The following MEI1 variants were observed in gnomAD, a reference collection of about 807,000 sequenced individuals.
MEI1 encodes meiosis inhibitor protein 1.
Under a neutral mutation model 146.2 loss-of-function variants are expected in MEI1, and 103 were observed. The observed-to-expected ratio is 0.70, with a 90% CI of 0.60 to 0.83. The LOEUF (loss-of-function observed/expected upper bound fraction) is 0.83. Among genes scored for constraint, MEI1 ranks in the 40% least tolerant of loss-of-function variants. The pLI, the probability that MEI1 is intolerant of heterozygous loss-of-function variation, is 0.00. For synonymous variants in MEI1, 652 were observed against 628.2 expected (o/e 1.04, Z -0.57); for missense variants, 1,529 against 1,533.0 (o/e 1.00, Z 0.04).
At position 41,795,917 on chromosome 22, in the gene MEI1, C is replaced by T. The variant is rs775726659; in HGVS notation, c.3779+70C>T. The T allele has an allele frequency of 6.2e-7, 1 of 1,611,408 alleles. No individual in the cohort carries two copies. Among genetic ancestry groups the T allele is most frequent in the Non-Finnish European group, 8.5e-7 (1 of 1,178,924 alleles). On this transcript the variant is annotated intron_variant, in intron 30 of 30. Coordinates refer to ENST00000401548, the MANE Select transcript of MEI1 (RefSeq NM_152513.4). This position sits in a 1 kb window ranked among gnomAD's most constrained non-coding sequence, Gnocchi z 4.2. ...GGTGTTTGGGGCTTCTCTTCCTGGG[C>T]CAGTTTATGCGGTACCGGAGTAGCA...
chr22:41,746,506 A>G (rs1207136863), intron 14 of MEI1, among the ~76,000 whole-genome samples: 2 of 152,218 alleles, frequency 1.3e-5, no homozygotes, highest in Non-Finnish European at 2.9e-5. Flanking sequence ...AACAAGGAAC[A>G]TGTATGTGTG....
At chr22:41,704,852 CTA>C (rs1318860901) in intron 2 of MEI1, among the ~76,000 whole-genome samples, 1 of 152,082 alleles carries the variant, frequency 6.6e-6, no homozygotes, top group Non-Finnish European at 1.5e-5. Flanking sequence ...GTAGCTGGGA[CTA>C]CAGGTGCCCG....
chr22:41,785,994 T>G (rs1214598807), intron 26 of MEI1, among the ~76,000 whole-genome samples: 1 of 142,478 alleles, frequency 7.0e-6, no homozygotes, highest in East Asian at 2.0e-4. Flanking sequence ...CACTGCAAGC[T>G]CCGCCTCCCG....
chr22:41,733,312 T>A (rs934160523), intron 11 of MEI1, among the ~76,000 whole-genome samples: 1 of 151,504 alleles, frequency 6.6e-6, no homozygotes. Flanking sequence ...TAGCCAGGCA[T>A]GTTGGTGCAC....
chr22:41,699,792 C>T, intron 1 of MEI1, 80 bp downstream of exon 1: 1 of 1,448,534 alleles, frequency 6.9e-7, no homozygotes, highest in Non-Finnish European at 9.1e-7. Context: ...TTGCCAGACC[C>T]GCTCCGGTGA....
chr22:41,709,371 G>C (rs577389292), intron 3 of MEI1: 6 of 727,962 alleles, frequency 8.2e-6, no homozygotes, highest in Non-Finnish European at 1.5e-5. Flanking sequence ...TTTTAGGCTT[G>C]GGCTCTGGCT....
At chr22:41,712,670 A>G (rs1268633823) in intron 3 of MEI1, among the ~76,000 whole-genome samples, 2 of 59,088 alleles carry the variant, frequency 3.4e-5, no homozygotes, top group Non-Finnish European at 5.8e-5. Context: ...AAATAGAAAT[A>G]GATGTGTGTG....
intron 15 of MEI1, among the ~76,000 whole-genome samples, chr22:41,752,227 A>G (rs1172114958): frequency 1.3e-5 from 2 of 152,250 alleles, no homozygotes; most frequent in Non-Finnish European, 2.9e-5. Flanking sequence ...AAGGGATAGA[A>G]GGAGCAGATG....
chr22:41,796,478 G>A (rs73163343), intron 30 of MEI1, among the ~76,000 whole-genome samples: 25,421 of 151,802 alleles, frequency 0.17, 3,089 homozygotes, highest in Admixed American at 0.36. Flanking sequence ...ACAGGCATGA[G>A]CCACCATGCC....
intron 19 of MEI1, among the ~76,000 whole-genome samples, chr22:41,766,743 A>T (rs1336105328): frequency 1.3e-5 from 2 of 151,486 alleles, no homozygotes; most frequent in African/African-American, 4.9e-5. Flanking sequence ...GTAGAGACGG[A>T]CTGGTCTCAA....
Position 41,795,201 on chromosome 22 carries a change from C to T in MEI1, c.3535-210C>T, listed in dbSNP as rs1278213261. ...GCCAAGGCCAAAGGGGTCAGGAGGG[C>T]CAGCTCTCTCAGGATCTCACAGGTT... On this transcript the variant is annotated intron_variant, in intron 28 of 30. Transcript: ENST00000401548. The surrounding 1 kb of genome is among the most constrained non-coding windows in gnomAD (Gnocchi z 4.2). Among the ~76,000 whole-genome samples, 1 of 152,096 alleles carries T rather than the reference C, an allele frequency of 6.6e-6. No homozygotes were observed.
chr22:41,706,511 G>A (rs527402653), intron 3 of MEI1, among the ~76,000 whole-genome samples: 7 of 152,196 alleles, frequency 4.6e-5, no homozygotes, highest in African/African-American at 1.7e-4. Context: ...AGTACATCTC[G>A]TATTGGTTCA....
At chr22:41,741,709 C>T (rs537394294) in intron 11 of MEI1, among the ~76,000 whole-genome samples, 1 of 152,342 alleles carries the variant, frequency 6.6e-6, no homozygotes, top group African/African-American at 2.4e-5. Flanking sequence ...GGCGTGGTGG[C>T]TCACGCTTGT....
chr22:41,763,137 C>T (rs770410515), intron 18 of MEI1, 37 bp from the exon 19 acceptor site: 3 of 1,608,008 alleles, frequency 1.9e-6, no homozygotes, highest in East Asian at 4.5e-5. Flanking sequence ...GGCCTGCCAA[C>T]TCTGCCTTTC....
At chr22:41,770,544 A>T in intron 19 of MEI1, 142 bp from the exon 20 acceptor site, 1 of 719,282 alleles carries the variant, frequency 1.4e-6, no homozygotes, top group Non-Finnish European at 2.3e-6. Flanking sequence ...TTTTCTCACT[A>T]AAGTGCCTTG....
At chr22:41,758,917 C>T (rs1468212425) in intron 18 of MEI1, among the ~76,000 whole-genome samples, 1 of 152,040 alleles carries the variant, frequency 6.6e-6, no homozygotes, top group Non-Finnish European at 1.5e-5. Context: ...CCAAGGTGGG[C>T]TGATCAGTTG....
In MEI1 at chr22:41,781,797, G is replaced by T; in HGVS notation, c.3039G>T (p.Trp1013Cys). Residue 1013 changes from tryptophan (W) to cysteine (C), a missense_variant, in exon 24 of 31, where the codon TGG (tryptophan) becomes TGT (cysteine). Coordinates refer to ENST00000401548, the MANE Select transcript of MEI1 (RefSeq NM_152513.4). ...SPRTALLCSA[W>C]LLTASFSAQQ... Reference sequence around the variant, plus strand: ...GGACTGCACTCCTCTGCTCTGCCTGGCTGCTCACTGCCTCCTTCTCTGCCC... The same window carrying T: ...GGACTGCACTCCTCTGCTCTGCCTGTCTGCTCACTGCCTCCTTCTCTGCCC... The T allele has an allele frequency of 1.9e-6, 3 of 1,613,956 alleles. No homozygotes were observed. Among genetic ancestry groups the T allele is most frequent in the Non-Finnish European group, 2.5e-6 (3 of 1,179,908 alleles).
intron 1 of MEI1, 130 bp from the exon 2 acceptor site, chr22:41,703,201 A>T: frequency 1.1e-6 from 1 of 940,288 alleles, no homozygotes; most frequent in Non-Finnish European, 1.6e-6. Flanking sequence ...CCCTTGAAGG[A>T]GTATGGATCT....
chr22:41,758,631 G>C (rs2074255850), intron 18 of MEI1, 98 bp downstream of exon 18: 1 of 1,253,860 alleles, frequency 8.0e-7, no homozygotes, highest in African/African-American at 1.5e-5. Flanking sequence ...CTGATGCTGG[G>C]CACTGGGGAC....
Sources: allele counts gnomAD v4.1 joint callset (sites outside exome capture counted in the v4.1 genomes callset), GRCh38; gene constraint gnomAD v4.1.1; non-coding constraint Gnocchi (gnomAD v3.1); transcripts MANE v1.5; gene names NCBI Gene and HGNC (gene_info 2026-07-23, HGNC 2026-07-21).